The following REL variants were observed in gnomAD, a reference collection of about 807,000 sequenced individuals.
The protein encoded by REL is proto-oncogene c-Rel.
In REL, 15 loss-of-function variants were observed where a neutral mutation model predicts 45.9. The ratio of observed to expected loss-of-function variants is 0.33; its 90% CI spans 0.22 to 0.50. REL has a LOEUF of 0.50. Among genes scored for constraint, REL ranks in the 20% least tolerant of loss-of-function variants. The pLI, the probability that REL is intolerant of heterozygous loss-of-function variation, is 0.98. For missense variants in REL, 601 were observed against 715.2 expected, an observed-to-expected ratio of 0.84 and a Z score of 1.82; for synonymous variants, 239 against 242.1, an observed-to-expected ratio of 0.99 and a Z score of 0.12.
At chr2:60,891,427 T>C (rs1308439060) in intron 1 of REL, among the ~76,000 whole-genome samples, 5 of 152,186 alleles carry the variant, frequency 3.3e-5, no homozygotes. Flanking sequence ...GCTATAGATA[T>C]TAAGCTATAA....
At chr2:60,906,219 A>C (rs1391742024) in intron 4 of REL, among the ~76,000 whole-genome samples, 2 of 152,194 alleles carry the variant, frequency 1.3e-5, no homozygotes, top group Non-Finnish European at 2.9e-5. Context: ...ACACATGAGA[A>C]TTATGGGAGT....
At chr2:60,916,796 A>G (rs1673973463) in intron 4 of REL, 81 bp from the exon 5 acceptor site, 4 of 886,988 alleles carry the variant, frequency 4.5e-6, no homozygotes, top group Non-Finnish European at 6.9e-6. Flanking sequence ...GTTATTGGCT[A>G]TAATGGGCAG....
At chr2:60,901,675 C>G (rs1021271381) in intron 4 of REL, among the ~76,000 whole-genome samples, 1 of 152,072 alleles carries the variant, frequency 6.6e-6, no homozygotes, top group South Asian at 2.1e-4. Context: ...TGAACATGGC[C>G]TTCCTTATGC....
In REL at chr2:60,904,316, C is replaced by T. The variant is rs569254437; in HGVS notation, c.394+3233C>T. The stretch of plus-strand genomic sequence containing the variant: ...ACTTGGGAGGCTGAAGCAGGAGATT[C>T]GCTTGAACCCAGGAGGTGGAGGTTG... On this transcript the variant is annotated intron_variant, in intron 4 of 9. Transcript: ENST00000394479. Among the ~76,000 whole-genome samples, 16 of 151,796 alleles carry T rather than the reference C, an allele frequency of 1.1e-4. No homozygotes were observed. The South Asian group carries it at 2.1e-3, about 20-fold the overall frequency.
intron 1 of REL, among the ~76,000 whole-genome samples, chr2:60,889,612 C>A (rs571367045): frequency 4.6e-5 from 7 of 152,188 alleles, no homozygotes; most frequent in Non-Finnish European, 1.0e-4. Flanking sequence ...TTTCCCTCCC[C>A]CCTTCCCCCA....
intron 4 of REL, among the ~76,000 whole-genome samples, chr2:60,914,648 C>G (rs564545858): frequency 6.6e-6 from 1 of 152,116 alleles, no homozygotes; most frequent in Non-Finnish European, 1.5e-5. Context: ...GTCCCCTTCT[C>G]GCTCAGTTCC....
intron 4 of REL, among the ~76,000 whole-genome samples, chr2:60,910,847 T>TC (rs1345826609): frequency 6.6e-6 from 1 of 151,730 alleles, no homozygotes; most frequent in Admixed American, 6.6e-5. Context: ...CGTTAGAATC[T>TC]CTTGAACCCT....
intron 1 of REL, among the ~76,000 whole-genome samples, chr2:60,890,722 AT>A (rs1673187220): frequency 6.6e-6 from 1 of 152,192 alleles, no homozygotes; most frequent in Non-Finnish European, 1.5e-5. Flanking sequence ...AAAGTATGCA[AT>A]TTGACAAGTT....
chr2:60,922,409 G>A lies in REL; in HGVS notation c.1638G>A (p.Ser546=), dbSNP rs150808348. The A allele has an allele frequency of 3.7e-5, 59 of 1,613,838 alleles. No homozygotes were observed. Among genetic ancestry groups the A allele is most frequent in the Middle Eastern group, 1.6e-4 (1 of 6,084 alleles). The change falls in exon 10 of 10, where the codon TCG becomes TCA. Residue 546 remains serine, a synonymous_variant. Coordinates refer to ENST00000394479, the MANE Select transcript of REL (RefSeq NM_001291746.2). ...CAGATAACAGCATGATAAATGAGTC[G>A]GGACCATCAAACAGTACTAATCCAA... The part of the protein sequence containing the change: ...SCADNSMINE[S]GPSNSTNPNS...
intron 8 of REL, 159 bp downstream of exon 8, chr2:60,920,268 C>G: frequency 1.6e-6 from 1 of 642,648 alleles, no homozygotes; most frequent in Non-Finnish European, 2.7e-6. Flanking sequence ...GTAGGGCAAT[C>G]TCAACTCACT....
intron 4 of REL, among the ~76,000 whole-genome samples, chr2:60,905,249 C>T (rs564192576): frequency 1.4e-4 from 21 of 152,264 alleles, no homozygotes; most frequent in African/African-American, 4.3e-4. Flanking sequence ...CACCCGCCAC[C>T]GCACCCGGCT....
In REL at chr2:60,930,210, T is replaced by C. The variant is rs1319276852; in HGVS notation, c.*7675T>C. On this transcript the variant is annotated 3_prime_UTR_variant, in exon 10 of 10. Coordinates refer to ENST00000394479, the MANE Select transcript of REL (RefSeq NM_001291746.2). Reference sequence around the variant, plus strand: ...ACATAAGAAGAAACACTGTAAATTATATAGTGCGAATCAAATATTGTTAAT... The same window carrying C: ...ACATAAGAAGAAACACTGTAAATTACATAGTGCGAATCAAATATTGTTAAT... The C allele has an allele frequency of 2.6e-5, 4 of 152,320 alleles. No homozygotes were observed. The highest frequency in any genetic ancestry group is 9.6e-5 in the African/African-American group (4 of 41,474). 9.4% of individuals were successfully genotyped at this position (152,320 alleles called of 1,614,324 possible). A position where few individuals can be genotyped will look rare whatever the true frequency, so the allele number is the denominator to read the frequency against.
rs527834718 is a variant in REL, at chr2:60,919,853, C to A, written c.854-188C>A. Among the ~76,000 whole-genome samples, 31 of 152,240 alleles carry A rather than the reference C, an allele frequency of 2.0e-4. 1 individual carries two copies. The highest frequency in any genetic ancestry group is 1.6e-3 in the Admixed American group (25 of 15,296). On this transcript the variant is annotated intron_variant, in intron 7 of 9. Coordinates refer to ENST00000394479, the MANE Select transcript of REL (RefSeq NM_001291746.2). ...TGAGATTACTTTAAACAATTTTTTACTAAGAGAAAAATATCCTTTTCTACT... is the reference window on the plus strand; with the variant it reads ...TGAGATTACTTTAAACAATTTTTTAATAAGAGAAAAATATCCTTTTCTACT...
At chr2:60,900,139 A>C (rs1035042997) in intron 3 of REL, 1 of 152,216 alleles carries the variant, frequency 6.6e-6, no homozygotes, top group Non-Finnish European at 1.5e-5. Flanking sequence ...TTCTGTGCCA[A>C]CCTAGTATTG....
rs1673295562 is a variant in REL, at chr2:60,894,384, C to T, written c.154-13C>T. 6.3e-6 allele frequency: 9 copies of T among 1,430,630 alleles called. No homozygotes were observed. In the East Asian group the frequency reaches 7.4e-5, roughly 12 times the overall value. 88.6% of individuals were successfully genotyped at this position (1,430,630 alleles called of 1,614,324 possible). ...CTATTTGGATCATGTATTTAATTTCCCCCTTTTTTCAGATTATGAACTATT... is the reference window on the plus strand; with the variant it reads ...CTATTTGGATCATGTATTTAATTTCTCCCTTTTTTCAGATTATGAACTATT... On this transcript the variant is annotated splice_polypyrimidine_tract_variant and intron_variant, in intron 2 of 9. Transcript: ENST00000394479.
rs1323410778 is a variant in REL at position 60,922,606 on chromosome 2, T to G, written c.*71T>G. 44 of 1,440,834 alleles carry G rather than the reference T, an allele frequency of 3.1e-5. No homozygotes were observed. The highest frequency in any genetic ancestry group is 3.9e-5 in the Non-Finnish European group (43 of 1,090,508). 89.3% of individuals were successfully genotyped at this position (1,440,834 alleles called of 1,614,324 possible). ...ATGCAGCATTTTGTATTTGTCTAAC[T>G]GGGGATATAATACTATATTTATACT... On this transcript the variant is annotated 3_prime_UTR_variant, in exon 10 of 10. Coordinates refer to ENST00000394479, the MANE Select transcript of REL (RefSeq NM_001291746.2).
At position 60,920,450 on chromosome 2, in the gene REL, C is replaced by T. The variant is rs756783171; in HGVS notation, c.923-124C>T. On this transcript the variant is annotated intron_variant, in intron 8 of 9. Coordinates refer to ENST00000394479, the MANE Select transcript of REL (RefSeq NM_001291746.2). ...TCCTGACATCAGGTGATCCACCCAC[C>T]TTGGCCTCCCAAAGTGCTGGGATTA... is the stretch of plus-strand genomic sequence containing the variant. The T allele has an allele frequency of 5.3e-6, 4 of 747,820 alleles. No homozygotes were observed. The South Asian group carries it at 5.9e-5, about 11-fold the overall frequency. The allele number at this position is 747,820 out of a possible 1,614,324, so 46.3% of individuals were successfully genotyped here.
chr2:60,905,413 T>G (rs888469817), intron 4 of REL, among the ~76,000 whole-genome samples: 1 of 152,090 alleles, frequency 6.6e-6, no homozygotes, highest in African/African-American at 2.4e-5. Flanking sequence ...ATTCATTCCT[T>G]CCCGAGCCTT....
chr2:60,912,498 T>A (rs1399151263), intron 4 of REL, among the ~76,000 whole-genome samples: 1 of 152,086 alleles, frequency 6.6e-6, no homozygotes, highest in Admixed American at 6.5e-5. Context: ...CCTATAGACA[T>A]CATCCTAGAA....
Sources: allele counts gnomAD v4.1 joint callset (sites outside exome capture counted in the v4.1 genomes callset), GRCh38; gene constraint gnomAD v4.1.1; transcripts MANE v1.5; gene names NCBI Gene and HGNC (gene_info 2026-07-23, HGNC 2026-07-21).